Variants in PARD3 observed in about 807,000 individuals in gnomAD.
The protein encoded by PARD3 is par-3 family cell polarity regulator, also known as partitioning defective 3 homolog.
PARD3 carries 75 observed loss-of-function variants against 155.4 expected under a neutral mutation model. That is an observed-to-expected ratio of 0.48 (90% confidence interval 0.40 to 0.58). The LOEUF is 0.58. Among genes scored for constraint, PARD3 ranks in the 20% least tolerant of loss-of-function variants. The pLI, the probability that PARD3 is intolerant of heterozygous loss-of-function variation, is 0.00. For synonymous variants in PARD3, 576 were observed against 610.5 expected (o/e 0.94, Z 0.83); for missense variants, 1,642 against 1,721.7 (o/e 0.95, Z 0.82).
chr10:34,354,488 T>C (rs1041896778), intron 14 of PARD3, among the ~76,000 whole-genome samples: 3 of 152,016 alleles, frequency 2.0e-5, no homozygotes, highest in Admixed American at 6.5e-5. Flanking sequence ...AAGTGGTAGA[T>C]GGACCAAGCC....
At chr10:34,201,174 T>G (rs1348601025) in intron 22 of PARD3, among the ~76,000 whole-genome samples, 1 of 152,238 alleles carries the variant, frequency 6.6e-6, no homozygotes, top group Non-Finnish European at 1.5e-5. Context: ...AGTTCTCATC[T>G]GTCGAAGAAA....
At chr10:34,321,316 C>CA (rs746634392) in intron 19 of PARD3, among the ~76,000 whole-genome samples, 1 of 152,070 alleles carries the variant, frequency 6.6e-6, no homozygotes, top group Non-Finnish European at 1.5e-5. Context: ...CAGCAAATTA[C>CA]AAGGTAAGAA....
rs74134406 is a variant in PARD3 at position 34,735,109 on chromosome 10, T to C, written c.121-38690A>G. ...GTGCTAAGGGAAATTAAGGCAATGA[T>C]GATGTAGCACTTTTTGAGTATATCC... On this transcript the variant is annotated intron_variant, in intron 1 of 24. Coordinates refer to ENST00000374788, the MANE Select transcript of PARD3 (RefSeq NM_001184785.2). Among the ~76,000 whole-genome samples, 1,313 of 152,150 alleles carry C rather than the reference T, an allele frequency of 8.6e-3. 22 individuals carry two copies. The highest frequency in any genetic ancestry group is 0.03 in the African/African-American group (1,259 of 41,508).
intron 1 of PARD3, among the ~76,000 whole-genome samples, chr10:34,781,756 T>C (rs965105767): frequency 2.0e-5 from 3 of 152,162 alleles, no homozygotes; most frequent in African/African-American, 7.2e-5. Flanking sequence ...GTAAAAGATA[T>C]AAAATATTGC....
chr10:34,582,559 T>C (rs115151669), intron 2 of PARD3, among the ~76,000 whole-genome samples: 2,265 of 152,248 alleles, frequency 0.015, 61 homozygotes, highest in African/African-American at 0.051. Context: ...TATATATATC[T>C]CCACATAAAG....
chr10:34,788,463 TTC>T (rs1409420609), intron 1 of PARD3, among the ~76,000 whole-genome samples: 1 of 151,136 alleles, frequency 6.6e-6, no homozygotes. Context: ...TTTTTTTTTT[TTC>T]CTGAGACACA....
At chr10:34,565,801 G>C (rs534258272) in intron 2 of PARD3, among the ~76,000 whole-genome samples, 3 of 152,260 alleles carry the variant, frequency 2.0e-5, no homozygotes, top group African/African-American at 7.2e-5. Flanking sequence ...GGTTATTTTT[G>C]AGGGGAGGAA....
chr10:34,358,637 G>A (rs922619080), intron 14 of PARD3, among the ~76,000 whole-genome samples: 22 of 152,162 alleles, frequency 1.4e-4, no homozygotes, highest in African/African-American at 3.4e-4. Flanking sequence ...AGGCTGCAGC[G>A]AGCTGTGACC....
At chr10:34,497,349 C>G (rs1307989551) in intron 3 of PARD3, among the ~76,000 whole-genome samples, 1 of 152,068 alleles carries the variant, frequency 6.6e-6, no homozygotes, top group Non-Finnish European at 1.5e-5. Context: ...TATAAGTAAT[C>G]TAGAGATTAT....
intron 20 of PARD3, among the ~76,000 whole-genome samples, chr10:34,306,742 T>C (rs571726156): frequency 4.6e-5 from 7 of 152,300 alleles, no homozygotes; most frequent in East Asian, 3.9e-4. Flanking sequence ...GTCACAGGTA[T>C]GTACGTATAC....
At chr10:34,150,924 C>A (rs920515) in intron 22 of PARD3, among the ~76,000 whole-genome samples, 79,252 of 152,016 alleles carry the variant, frequency 0.52, 21,682 homozygotes, top group Non-Finnish European at 0.61. Flanking sequence ...CCTGCTGTCA[C>A]ATACATGTTT....
chr10:34,635,619 A>T (rs1168740426), intron 2 of PARD3, among the ~76,000 whole-genome samples: 1 of 152,240 alleles, frequency 6.6e-6, no homozygotes, highest in Non-Finnish European at 1.5e-5. Flanking sequence ...TAAATGGTCC[A>T]TTCCTTGAGG....
At chr10:34,127,953 A>G (rs78115265) in intron 23 of PARD3, among the ~76,000 whole-genome samples, 1 of 152,240 alleles carries the variant, frequency 6.6e-6, no homozygotes, top group Non-Finnish European at 1.5e-5. Flanking sequence ...ATGTTGCTAC[A>G]TGGGAATGAC....
chr10:34,553,282 C>A (rs1237909594), intron 2 of PARD3, among the ~76,000 whole-genome samples: 1 of 152,172 alleles, frequency 6.6e-6, no homozygotes. Flanking sequence ...TAAAGGAAGG[C>A]TTCCTCCCCA....
chr10:34,597,199 G>C (rs990435629), intron 2 of PARD3, among the ~76,000 whole-genome samples: 13 of 152,030 alleles, frequency 8.6e-5, no homozygotes, highest in Admixed American at 7.2e-4. Flanking sequence ...TGGCAGGACC[G>C]GCATGGCAGC....
intron 22 of PARD3, among the ~76,000 whole-genome samples, chr10:34,234,439 A>G (rs1282048967): frequency 6.6e-6 from 1 of 151,954 alleles, no homozygotes; most frequent in East Asian, 1.9e-4. Context: ...TTCCCATACC[A>G]CTCAACACAC....
intron 23 of PARD3, among the ~76,000 whole-genome samples, chr10:34,129,832 C>CT (rs71030099): frequency 0.23 from 27,315 of 120,088 alleles, 3,811 homozygotes; most frequent in Middle Eastern, 0.32. Context: ...TAATTAAAAA[C>CT]TTTTTTTTTT....
chr10:34,255,828 T>C (rs1257440259), intron 22 of PARD3, among the ~76,000 whole-genome samples: 1 of 152,244 alleles, frequency 6.6e-6, no homozygotes, highest in African/African-American at 2.4e-5. Context: ...CCACTATTTG[T>C]AGCTTTTGAA....
intron 3 of PARD3, among the ~76,000 whole-genome samples, chr10:34,502,852 G>C (rs2080809398): frequency 6.6e-6 from 1 of 152,168 alleles, no homozygotes; most frequent in Admixed American, 6.5e-5. Flanking sequence ...GGAGAAGTGA[G>C]GAAGGCAGAG....
Sources: gnomAD v4.1 joint callset for allele counts (sites outside exome capture counted in the v4.1 genomes callset) on GRCh38, gnomAD v4.1.1 for gene constraint, MANE v1.5 for transcripts, NCBI Gene and HGNC (gene_info 2026-07-23, HGNC 2026-07-21) for gene names.